BABAM2: variants seen among roughly 807,000 people sequenced by gnomAD.
BABAM2 encodes the protein BRISC and BRCA1-A complex member 2.
In BABAM2, 31 loss-of-function variants were observed where a neutral mutation model predicts 54.7. The ratio of observed to expected loss-of-function variants is 0.57; its 90% CI spans 0.43 to 0.77. The LOEUF is 0.77. BABAM2 is among the 30% of genes least tolerant of loss of function. BABAM2 has a pLI of 0.00. For synonymous variants in BABAM2, 167 were observed against 162.9 expected, an observed-to-expected ratio of 1.03 and a Z score of -0.19; for missense variants, 364 against 455.8, an observed-to-expected ratio of 0.80 and a Z score of 1.83.
intron 3 of BABAM2, among the ~76,000 whole-genome samples, chr2:27,956,257 G>A (rs1012929393): frequency 6.6e-6 from 1 of 152,100 alleles, no homozygotes; most frequent in African/African-American, 2.4e-5. Context: ...AAGATAAGTT[G>A]TGCTGCTTTA....
At chr2:28,282,622 G>A (rs900423262) in intron 10 of BABAM2, among the ~76,000 whole-genome samples, 3 of 152,168 alleles carry the variant, frequency 2.0e-5, no homozygotes, top group Non-Finnish European at 2.9e-5. Flanking sequence ...AGAAAGGGGC[G>A]AGGGGGAATC....
At chr2:28,310,955 G>A (rs1192656035) in intron 11 of BABAM2, among the ~76,000 whole-genome samples, 1 of 151,536 alleles carries the variant, frequency 6.6e-6, no homozygotes, top group African/African-American at 2.4e-5. Context: ...TAACTCAGGT[G>A]TGCCCTTTCA....
At chr2:28,263,456 A>T (rs1388621015) in intron 10 of BABAM2, among the ~76,000 whole-genome samples, 1 of 152,206 alleles carries the variant, frequency 6.6e-6, no homozygotes, top group Admixed American at 6.5e-5. Context: ...CTAGCAGTTT[A>T]CTAAAGCTTC....
intron 6 of BABAM2, among the ~76,000 whole-genome samples, chr2:28,114,110 A>G (rs2148734434): frequency 6.6e-6 from 1 of 152,348 alleles, no homozygotes. Flanking sequence ...GAAAACTAGC[A>G]CAAGACAAGG....
At chr2:28,275,194 G>A (rs1345034626) in intron 10 of BABAM2, among the ~76,000 whole-genome samples, 1 of 152,194 alleles carries the variant, frequency 6.6e-6, no homozygotes, top group East Asian at 1.9e-4. Flanking sequence ...TGTTCACGTG[G>A]CCATTTGGAT....
rs370412521 is a variant in BABAM2, at chr2:28,026,852, T to TTATATATATATAGATATATATATTTA, written c.495+1442_495+1443insTAGATATATATATTTATATATATATA. Among the ~76,000 whole-genome samples, 6 of 64,498 alleles carry TTATATATATATAGATATATATATTTA rather than the reference T, an allele frequency of 9.3e-5. 1 individual carries two copies. Among genetic ancestry groups the TTATATATATATAGATATATATATTTA allele is most frequent in the African/African-American group, 4.8e-4 (6 of 12,572 alleles). 42.3% of individuals were successfully genotyped at this position (64,498 alleles called of 152,430 possible). On this transcript the variant is annotated intron_variant, in intron 5 of 11. Coordinates refer to ENST00000379624, the MANE Select transcript of BABAM2 (RefSeq NM_199191.3). ...TATATAAATATATATAAATATATAT[T>TTATATATATATAGATATATATATTTA]TATATATATAGATATATATATTTAT... is the stretch of plus-strand genomic sequence containing the variant.
At chr2:27,955,361 C>T (rs575790712) in intron 3 of BABAM2, among the ~76,000 whole-genome samples, 2 of 152,356 alleles carry the variant, frequency 1.3e-5, no homozygotes, top group South Asian at 4.1e-4. Context: ...TCCTGTCTCA[C>T]TCTTCCTAAG....
At chr2:28,163,299 G>C (rs1558396248) in intron 7 of BABAM2, among the ~76,000 whole-genome samples, 1 of 152,116 alleles carries the variant, frequency 6.6e-6, no homozygotes, top group South Asian at 2.1e-4. Flanking sequence ...TTGAGAATTA[G>C]TTTTCTTAAC....
chr2:27,928,498 G>A (rs1667871967), intron 2 of BABAM2, among the ~76,000 whole-genome samples: 1 of 152,062 alleles, frequency 6.6e-6, no homozygotes, highest in Non-Finnish European at 1.5e-5. Flanking sequence ...AAAAGTAATA[G>A]TAAATCTTTA....
intron 6 of BABAM2, among the ~76,000 whole-genome samples, chr2:28,097,418 A>G (rs1026089232): frequency 1.3e-5 from 2 of 152,154 alleles, no homozygotes; most frequent in Non-Finnish European, 2.9e-5. Flanking sequence ...TTGCTAAGTT[A>G]GTAGTTATAT....
intron 4 of BABAM2, among the ~76,000 whole-genome samples, chr2:27,992,323 T>C (rs980036375): frequency 6.6e-6 from 1 of 152,170 alleles, no homozygotes; most frequent in African/African-American, 2.4e-5. Flanking sequence ...ATTGCTTGTA[T>C]ACTGTGCATT....
At chr2:28,118,163 T>C (rs1228659491) in intron 6 of BABAM2, among the ~76,000 whole-genome samples, 1 of 152,184 alleles carries the variant, frequency 6.6e-6, no homozygotes, top group South Asian at 2.1e-4. Flanking sequence ...AAATTGTAAA[T>C]AGTGCTGCAG....
At chr2:28,011,802 TG>T (rs1436147953) in intron 4 of BABAM2, among the ~76,000 whole-genome samples, 3 of 145,086 alleles carry the variant, frequency 2.1e-5, no homozygotes, top group Admixed American at 7.0e-5. Context: ...CAGAATCTAC[TG>T]TGGGGTCTGG....
intron 3 of BABAM2, among the ~76,000 whole-genome samples, chr2:27,972,735 G>T (rs1347153282): frequency 6.7e-6 from 1 of 150,226 alleles, no homozygotes; most frequent in Non-Finnish European, 1.5e-5. Context: ...AAATATAAAG[G>T]TTACATAACT....
intron 4 of BABAM2, among the ~76,000 whole-genome samples, chr2:28,005,397 T>A (rs1288575587): frequency 6.6e-6 from 1 of 152,182 alleles, no homozygotes; most frequent in Non-Finnish European, 1.5e-5. Flanking sequence ...TTTGTTAGTA[T>A]TTTTTGGACT....
At chr2:28,014,373 T>G (rs1296337652) in intron 4 of BABAM2, among the ~76,000 whole-genome samples, 3 of 152,202 alleles carry the variant, frequency 2.0e-5, no homozygotes, top group Non-Finnish European at 4.4e-5. Context: ...CTGTTCAGAC[T>G]AATTCTGGCT....
chr2:28,026,874 TTATATATATATA>T (rs1675797404), intron 5 of BABAM2, among the ~76,000 whole-genome samples: 1 of 47,538 alleles, frequency 2.1e-5, no homozygotes, highest in African/African-American at 9.6e-5. Context: ...ATATATATAT[TTATATATATATA>T]GATATATATA....
At chr2:28,332,506 C>T (rs749651411) in intron 11 of BABAM2, among the ~76,000 whole-genome samples, 7 of 152,126 alleles carry the variant, frequency 4.6e-5, no homozygotes, top group Admixed American at 6.6e-5. Context: ...AGCCAGGGCC[C>T]GGGCTAGAGC....
intron 6 of BABAM2, among the ~76,000 whole-genome samples, chr2:28,115,095 C>G (rs1431420958): frequency 6.6e-6 from 1 of 151,508 alleles, no homozygotes; most frequent in Non-Finnish European, 1.5e-5. Flanking sequence ...TATATTAATT[C>G]ATTTTGTATA....
Sources: gnomAD v4.1 joint callset for allele counts (sites outside exome capture counted in the v4.1 genomes callset) on GRCh38, gnomAD v4.1.1 for gene constraint, MANE v1.5 for transcripts, NCBI Gene and HGNC (gene_info 2026-07-23, HGNC 2026-07-21) for gene names.